Variants in HTR3E observed in about 807,000 individuals in gnomAD.
HTR3E encodes the protein 5-hydroxytryptamine (serotonin) receptor 3, family member E.
Under a neutral mutation model 38.0 loss-of-function variants are expected in HTR3E, and 38 were observed. The observed-to-expected ratio is 1.00, with a 90% CI of 0.77 to 1.31. The LOEUF is 1.31. HTR3E is among the 50% of genes most tolerant of loss of function. HTR3E has a pLI of 0.00. For synonymous variants in HTR3E, 210 were observed against 232.9 expected (o/e 0.90, Z 0.89); for missense variants, 547 against 585.2 (o/e 0.93, Z 0.67).
At chr3:184,099,582 C>A (rs1161426669) in intron 1 of HTR3E, among the ~76,000 whole-genome samples, 3 of 150,432 alleles carry the variant, frequency 2.0e-5, no homozygotes, top group East Asian at 3.9e-4. Context: ...GGCGCGGTGG[C>A]GGGCGCCTGT....
At position 184,104,892 on chromosome 3, in the gene HTR3E, C is replaced by T; in HGVS notation, c.495C>T (p.Asp165=). Residue 165 remains aspartate (D), a synonymous_variant, in exon 5 of 9, where the codon GAC becomes GAT. Coordinates refer to ENST00000415389, the MANE Select transcript of HTR3E (RefSeq NM_001256613.2). ...PMKVDSICNL[D]IFYFPFDQQN... is the part of the protein sequence containing the mutation. Reference sequence around the variant, plus strand: ...AGGTGGACAGTATCTGTAACCTGGACATCTTCTACTTCCCCTTCGACCAGC... The same window carrying T: ...AGGTGGACAGTATCTGTAACCTGGATATCTTCTACTTCCCCTTCGACCAGC... 1.2e-6 allele frequency: 2 copies of T among 1,614,048 alleles called. No homozygotes were observed. The highest frequency in any genetic ancestry group is 1.7e-6 in the Non-Finnish European group (2 of 1,179,996).
chr3:184,103,968 G>A (rs958430661), intron 3 of HTR3E, among the ~76,000 whole-genome samples: 1 of 151,940 alleles, frequency 6.6e-6, no homozygotes, highest in Non-Finnish European at 1.5e-5. Context: ...AATGGTCCCA[G>A]GCAGGTTCGA....
At position 184,100,443 on chromosome 3, in the gene HTR3E, G is replaced by A. The variant is rs777324628; in HGVS notation, c.68-42G>A. 8.7e-6 allele frequency: 14 copies of A among 1,614,126 alleles called. No individual in the cohort carries two copies. In the Admixed American group the frequency reaches 1.7e-4, roughly 19 times the overall value. On this transcript the variant is annotated intron_variant, in intron 1 of 8. Coordinates refer to ENST00000415389, the MANE Select transcript of HTR3E (RefSeq NM_001256613.2). ...GGGCCCCTCTCATATAGGGAGCACA[G>A]GGTTGCTCTCCTTCATCTCACACAT...
chr3:184,104,160 C>T, intron 3 of HTR3E, 22 bp from the exon 4 acceptor site: 1 of 1,548,676 alleles, frequency 6.5e-7, no homozygotes, highest in African/African-American at 1.4e-5. Flanking sequence ...GGAGACTCAC[C>T]TCTCCTCCAC....
At chr3:184,102,485 TGGGGGGA>T (rs1712109063) in intron 3 of HTR3E, among the ~76,000 whole-genome samples, 1 of 33,138 alleles carries the variant, frequency 3.0e-5, no homozygotes, top group Non-Finnish European at 5.6e-5. Flanking sequence ...TGTTGTGGGG[TGGGGGGA>T]GGGGGGAGGG....
chr3:184,106,486 A>C lies in HTR3E; in HGVS notation c.1164A>C (p.Ser388=). The C allele has an allele frequency of 1.2e-6, 2 of 1,602,612 alleles. No homozygotes were observed. Among genetic ancestry groups the C allele is most frequent in the Non-Finnish European group, 1.7e-6 (2 of 1,174,284 alleles). Residue 388 remains serine (S), a synonymous_variant, in exon 9 of 9, where the codon TCA becomes TCC. Coordinates refer to ENST00000415389, the MANE Select transcript of HTR3E (RefSeq NM_001256613.2). This position sits in a 1 kb window ranked among gnomAD's most constrained non-coding sequence, Gnocchi z 4.1. ...HLPGVKEPEV[S]AGQMPGPAEA... ...TAGGTGTGAAGGAGCCAGAGGTATC[A>C]GCAGGGCAGATGCCGGGCCCTGCGG...
At chr3:184,105,574 T>C in intron 6 of HTR3E, 147 bp downstream of exon 6, 1 of 1,071,494 alleles carries the variant, frequency 9.3e-7, no homozygotes. Context: ...ATCCTAAAGC[T>C]CAGGGCTCTG....
intron 1 of HTR3E, among the ~76,000 whole-genome samples, chr3:184,099,090 A>G (rs1711821933): frequency 6.6e-6 from 1 of 151,674 alleles, no homozygotes; most frequent in Non-Finnish European, 1.5e-5. Flanking sequence ...AATCCCACCC[A>G]CACTTCTAAA....
At chr3:184,098,655 T>C (rs1328962051) in intron 1 of HTR3E, among the ~76,000 whole-genome samples, 1 of 152,224 alleles carries the variant, frequency 6.6e-6, no homozygotes, top group Non-Finnish European at 1.5e-5. Flanking sequence ...CTCAATGTCC[T>C]TGGCACAGAG....
At chr3:184,104,716 CAAAA>C (rs66667882) in intron 4 of HTR3E, 67 bp from the exon 5 acceptor site, 135,859 of 822,260 alleles carry the variant, frequency 0.17, 1,826 homozygotes, top group Non-Finnish European at 0.18. Flanking sequence ...GATCCTGTCT[CAAAA>C]AAAAAAAAAA....
At position 184,104,782 on chromosome 3, in the gene HTR3E, T is replaced by A. The variant is rs776848711; in HGVS notation, c.390-5T>A. On this transcript the variant is annotated splice_region_variant and splice_polypyrimidine_tract_variant and intron_variant, in intron 4 of 8. Transcript: ENST00000415389. ...CACCTGCCTCTTGCGTTATCTCTCCTCCAGCATGGATGTGGATAAGACCCC... is the reference window on the plus strand; with the variant it reads ...CACCTGCCTCTTGCGTTATCTCTCCACCAGCATGGATGTGGATAAGACCCC... The A allele has an allele frequency of 6.6e-5, 102 of 1,542,374 alleles. No individual in the cohort carries two copies. Among genetic ancestry groups the A allele is most frequent in the Non-Finnish European group, 8.7e-5 (98 of 1,129,886 alleles).
At chr3:184,103,819 GAAAAGAA>G (rs1712234306) in intron 3 of HTR3E, among the ~76,000 whole-genome samples, 3 of 150,942 alleles carry the variant, frequency 2.0e-5, no homozygotes, top group Middle Eastern at 6.8e-3. Flanking sequence ...GAAAGAAAAA[GAAAAGAA>G]AAAAGAAAAA....
intron 6 of HTR3E, 137 bp from the exon 7 acceptor site, chr3:184,105,628 G>A (rs1252515313): frequency 1.1e-6 from 1 of 927,168 alleles, no homozygotes; most frequent in Admixed American, 2.3e-5. Flanking sequence ...TTCTAAAGCT[G>A]CATTCCCCAC....
chr3:184,101,845 C>A (rs2108990948), intron 3 of HTR3E, among the ~76,000 whole-genome samples: 1 of 152,216 alleles, frequency 6.6e-6, no homozygotes, highest in Admixed American at 6.5e-5. Context: ...CAAAAATTAG[C>A]TGGGCATGGT....
At position 184,106,525 on chromosome 3, in the gene HTR3E, A is replaced by G; in HGVS notation, c.1203A>G (p.Thr401=). Residue 401 remains threonine, a synonymous_variant, in exon 9 of 9, where the codon ACA becomes ACG. Transcript: ENST00000415389. This position sits in a 1 kb window ranked among gnomAD's most constrained non-coding sequence, Gnocchi z 4.1. ...QMPGPAEAEL[T]GGSEWTRAQR... ...CGGGCCCTGCGGAGGCAGAGCTGAC[A>G]GGGGGCTCAGAATGGACAAGGGCCC... 6.2e-7 allele frequency: 1 copy of G among 1,613,422 alleles called. No homozygotes were observed. The highest frequency in any genetic ancestry group is 8.5e-7 in the Non-Finnish European group (1 of 1,179,616).
chr3:184,103,888 C>T (rs956169960), intron 3 of HTR3E, among the ~76,000 whole-genome samples: 1 of 151,876 alleles, frequency 6.6e-6, no homozygotes, highest in Non-Finnish European at 1.5e-5. Context: ...AAAGATAATA[C>T]AATCATCTAA....
In HTR3E at chr3:184,106,594, G is replaced by T. The variant is rs1450397543; in HGVS notation, c.1272G>T (p.Trp424Cys). 1.2e-6 allele frequency: 2 copies of T among 1,614,082 alleles called. No homozygotes were observed. Among genetic ancestry groups the T allele is most frequent in the African/African-American group, 2.7e-5 (2 of 74,932 alleles). The change falls in exon 9 of 9, where the codon TGG becomes TGT. Residue 424 changes from tryptophan (W) to cysteine (C), a missense_variant. By Grantham distance (215) the Trp-to-Cys change is radical (BLOSUM62 -2). Transcript: ENST00000415389. This position sits in a 1 kb window ranked among gnomAD's most constrained non-coding sequence, Gnocchi z 4.1. ...EAQKQHSVEL[W>C]LQFSHAMDAM... is the part of the protein sequence containing the mutation. The stretch of plus-strand genomic sequence containing the variant: ...AGAAGCAGCACTCAGTGGAGCTGTG[G>T]TTGCAGTTCAGCCACGCGATGGACG...
chr3:184,097,657 T>C (rs1384647376), intron 1 of HTR3E, 61 bp downstream of exon 1: 1 of 1,287,170 alleles, frequency 7.8e-7, no homozygotes, highest in Non-Finnish European at 1.1e-6. Context: ...TAGTAGAACA[T>C]CTAGGAACTT....
intron 3 of HTR3E, among the ~76,000 whole-genome samples, chr3:184,103,255 G>A (rs1405841266): frequency 6.6e-6 from 1 of 152,132 alleles, no homozygotes; most frequent in East Asian, 1.9e-4. Flanking sequence ...GCCTAGGCAG[G>A]TGGATCACTT....
Sources: allele counts gnomAD v4.1 joint callset (sites outside exome capture counted in the v4.1 genomes callset), GRCh38; gene constraint gnomAD v4.1.1; non-coding constraint Gnocchi (gnomAD v3.1); transcripts MANE v1.5; gene names NCBI Gene and HGNC (gene_info 2026-07-23, HGNC 2026-07-21).